Variants in GRIK4 observed in about 807,000 individuals in gnomAD.
GRIK4 encodes the protein glutamate receptor ionotropic, kainate 4.
Under a neutral mutation model 104.9 loss-of-function variants are expected in GRIK4, and 40 were observed. That is an observed-to-expected ratio of 0.38 (90% confidence interval 0.30 to 0.50). The LOEUF (loss-of-function observed/expected upper bound fraction) is 0.50. Ranked by LOEUF, GRIK4 falls within the 20% of genes least tolerant of loss-of-function variation. The pLI is 0.93. For missense variants in GRIK4, 1,047 were observed against 1,308.1 expected, an observed-to-expected ratio of 0.80 and a Z score of 3.08; for synonymous variants, 485 against 524.9, an observed-to-expected ratio of 0.92 and a Z score of 1.04.
chr11:120,546,723 A>G (rs1022392883), intron 1 of GRIK4, among the ~76,000 whole-genome samples: 1 of 152,102 alleles, frequency 6.6e-6, no homozygotes, highest in South Asian at 2.1e-4. Flanking sequence ...TGAGTTATTT[A>G]GTATGTCACT....
intron 1 of GRIK4, among the ~76,000 whole-genome samples, chr11:120,540,346 C>T (rs780755942): frequency 3.3e-5 from 5 of 152,240 alleles, no homozygotes; most frequent in South Asian, 2.1e-4. Context: ...CTCGGCTGGG[C>T]GTGGCGGCTC....
intron 1 of GRIK4, among the ~76,000 whole-genome samples, chr11:120,579,347 A>G (rs1948534678): frequency 6.6e-6 from 1 of 152,018 alleles, no homozygotes; most frequent in African/African-American, 2.4e-5. Flanking sequence ...AGCCAGCCAC[A>G]CAGAGTTCAG....
At chr11:120,520,239 G>A (rs1024282510) in intron 1 of GRIK4, among the ~76,000 whole-genome samples, 1 of 152,186 alleles carries the variant, frequency 6.6e-6, no homozygotes. Flanking sequence ...TCTTAGGCAA[G>A]GAGGCCAATG....
In GRIK4 at chr11:120,593,493, C is replaced by T. The variant is rs146064661; in HGVS notation, c.-158-60192C>T. ...TCTCCAGGCTCTCAACACTCCATTCCTCCTGCTTCCCCCATCTCAGGTCTG... is the reference window on the plus strand; with the variant it reads ...TCTCCAGGCTCTCAACACTCCATTCTTCCTGCTTCCCCCATCTCAGGTCTG... On this transcript the variant is annotated intron_variant, in intron 1 of 20. Transcript: ENST00000527524. Among the ~76,000 whole-genome samples the T allele has an allele frequency of 2.0e-3, 307 of 152,272 alleles. 2 individuals are homozygous for T. Among genetic ancestry groups the T allele is most frequent in the African/African-American group, 6.8e-3 (283 of 41,556 alleles).
chr11:120,689,635 T>G (rs979256164), intron 3 of GRIK4, among the ~76,000 whole-genome samples: 7 of 152,146 alleles, frequency 4.6e-5, no homozygotes, highest in African/African-American at 1.4e-4. Flanking sequence ...CTTCACCTGA[T>G]GAAAAGTCTA....
intron 9 of GRIK4, among the ~76,000 whole-genome samples, chr11:120,866,234 G>A (rs912916555): frequency 6.6e-6 from 1 of 152,176 alleles, no homozygotes; most frequent in South Asian, 2.1e-4. Flanking sequence ...CAGGAGCAGG[G>A]TTCACCTCCA....
chr11:120,666,802 G>A (rs1274068792), intron 3 of GRIK4, among the ~76,000 whole-genome samples: 1 of 152,180 alleles, frequency 6.6e-6, no homozygotes, highest in African/African-American at 2.4e-5. Context: ...GATTCAACAG[G>A]GATGAACACC....
Position 120,754,412 on chromosome 11 carries a change from G to A in GRIK4, c.83-48281G>A, listed in dbSNP as rs1027896402. ...GTTCAAGGCTCATCCGGGTTGTAGC[G>A]TGTGTCAATAATTCATTTCCTTTCA... On this transcript the variant is annotated intron_variant, in intron 3 of 20. Transcript: ENST00000527524. Among the ~76,000 whole-genome samples, 12 of 152,284 alleles carry A rather than the reference G, an allele frequency of 7.9e-5. No homozygotes were observed. In the Middle Eastern group the frequency reaches 0.014, roughly 173 times the overall value.
intron 1 of GRIK4, among the ~76,000 whole-genome samples, chr11:120,543,225 G>A (rs907766755): frequency 1.3e-5 from 2 of 152,094 alleles, no homozygotes; most frequent in Non-Finnish European, 2.9e-5. Flanking sequence ...GTATTTACCT[G>A]TATAATAAAC....
At position 120,861,955 on chromosome 11, in the gene GRIK4, C is replaced by T. The variant is rs769681862; in HGVS notation, c.745-4C>T. On this transcript the variant is annotated splice_region_variant and splice_polypyrimidine_tract_variant and intron_variant, in intron 8 of 20. Coordinates refer to ENST00000527524, the MANE Select transcript of GRIK4 (RefSeq NM_014619.5). ...TTCTTATTTCTGATGCTGGGTCTTT[C>T]CAGGAGTTCTCACTCCAGAGAATGG... 1 of 1,610,052 alleles carries T rather than the reference C, an allele frequency of 6.2e-7. No individual in the cohort carries two copies. Among genetic ancestry groups the T allele is most frequent in the Non-Finnish European group, 8.5e-7 (1 of 1,176,442 alleles).
intron 3 of GRIK4, among the ~76,000 whole-genome samples, chr11:120,675,337 G>T (rs1950081753): frequency 6.6e-6 from 1 of 152,156 alleles, no homozygotes; most frequent in South Asian, 2.1e-4. Context: ...TGGGTCTGGA[G>T]TTCACATTCA....
chr11:120,824,164 A>G (rs1004799168), intron 6 of GRIK4, among the ~76,000 whole-genome samples: 5 of 152,226 alleles, frequency 3.3e-5, no homozygotes, highest in African/African-American at 4.8e-5. Flanking sequence ...TCCTTCCCAA[A>G]AGTAGATTTT....
chr11:120,761,002 A>T (rs141345259), intron 3 of GRIK4, among the ~76,000 whole-genome samples: 2 of 152,180 alleles, frequency 1.3e-5, no homozygotes, highest in Non-Finnish European at 1.5e-5. Context: ...TTCTAGCTCT[A>T]GATCCTTGAG....
intron 8 of GRIK4, among the ~76,000 whole-genome samples, chr11:120,856,688 A>G (rs1352586569): frequency 1.3e-5 from 2 of 152,176 alleles, no homozygotes; most frequent in Non-Finnish European, 2.9e-5. Flanking sequence ...ACGGAATGCC[A>G]CTTCCCCTGC....
At chr11:120,659,836 A>C (rs991368468) in intron 2 of GRIK4, among the ~76,000 whole-genome samples, 2 of 152,212 alleles carry the variant, frequency 1.3e-5, no homozygotes, top group African/African-American at 4.8e-5. Context: ...TCCTGTGTTC[A>C]AGTCTGTGAC....
chr11:120,918,057 C>A (rs1374786501), intron 13 of GRIK4, among the ~76,000 whole-genome samples: 2 of 152,148 alleles, frequency 1.3e-5, no homozygotes, highest in Non-Finnish European at 2.9e-5. Flanking sequence ...GTCTCGATTC[C>A]CCAGCCACAC....
intron 1 of GRIK4, among the ~76,000 whole-genome samples, chr11:120,522,614 C>A (rs1947809330): frequency 6.6e-6 from 1 of 152,006 alleles, no homozygotes; most frequent in Non-Finnish European, 1.5e-5. Context: ...AGCCACTGCA[C>A]CTGGCTCCCA....
chr11:120,813,767 A>G (rs2135530919), intron 4 of GRIK4, among the ~76,000 whole-genome samples: 1 of 152,316 alleles, frequency 6.6e-6, no homozygotes, highest in East Asian at 1.9e-4. Flanking sequence ...ACCTTGTACT[A>G]GTCCCTTAAC....
At chr11:120,874,767 T>C (rs935032561) in intron 10 of GRIK4, among the ~76,000 whole-genome samples, 6 of 152,194 alleles carry the variant, frequency 3.9e-5, no homozygotes, top group Non-Finnish European at 8.8e-5. Context: ...TCATCCTGAC[T>C]TCCTGTGGAC....
Sources: allele counts gnomAD v4.1 joint callset (sites outside exome capture counted in the v4.1 genomes callset), GRCh38; gene constraint gnomAD v4.1.1; transcripts MANE v1.5; gene names NCBI Gene and HGNC (gene_info 2026-07-23, HGNC 2026-07-21).